Variants in DDX11 observed in about 807,000 individuals in gnomAD.
DDX11 encodes DEAD/H-box helicase 11, also known as ATP-dependent DNA helicase DDX11.
DDX11 carries 72 observed loss-of-function variants against 125.2 expected under a neutral mutation model. That is an observed-to-expected ratio of 0.58 (90% CI 0.48 to 0.70). DDX11 has a LOEUF of 0.70. Ranked by LOEUF, DDX11 falls within the 30% of genes least tolerant of loss-of-function variation. The pLI, the probability that DDX11 is intolerant of heterozygous loss-of-function variation, is 0.00. For synonymous variants in DDX11, 347 were observed against 452.6 expected (o/e 0.77, Z 2.96); for missense variants, 883 against 1,165.0 (o/e 0.76, Z 3.52).
intron 24 of DDX11, 97 bp downstream of exon 24, chr12:31,103,117 G>T (rs565153627): frequency 6.8e-7 from 1 of 1,472,096 alleles, no homozygotes; most frequent in Non-Finnish European, 9.4e-7. Context: ...CTTCCCCGCT[G>T]CGCTGGCGTC....
rs1945305287 is a variant in DDX11 at position 31,096,710 on chromosome 12, A to G, written c.1595A>G (p.Gln532Arg). Residue 532 changes from glutamine (Q) to arginine (R), a missense_variant, in exon 16 of 27, where the codon CAA (glutamine) becomes CGA (arginine). Around this residue, in one of 5 missense-constraint regions of DDX11, gnomAD observed 241 missense variants for 279.7 expected, o/e 0.86. Coordinates refer to ENST00000542838, the MANE Select transcript of DDX11 (RefSeq NM_030653.4). The part of the protein sequence containing the change: ...REQPKLAGFQ[Q>R]FLQSLQPRTT... ...CAGCCCAAACTGGCTGGGTTTCAGC[A>G]ATTCCTGCAGAGCCTGCAGCCCAGG... 1 of 1,613,996 alleles carries G rather than the reference A, an allele frequency of 6.2e-7. No homozygotes were observed. Among genetic ancestry groups the G allele is most frequent in the South Asian group, 1.1e-5 (1 of 91,080 alleles).
chr12:31,089,872 T>A lies in DDX11; in HGVS notation c.881-14T>A, dbSNP rs745617546. 4 of 1,610,090 alleles carry A rather than the reference T, an allele frequency of 2.5e-6. No homozygotes were observed. Among genetic ancestry groups the A allele is most frequent in the South Asian group, 2.2e-5 (2 of 90,462 alleles). Reference sequence around the variant, plus strand: ...CCTCTCTGTTTTCTCTCTTTGTGCCTGTGCCACCCTCAGAGAAGAAGAAAG... The same window carrying A: ...CCTCTCTGTTTTCTCTCTTTGTGCCAGTGCCACCCTCAGAGAAGAAGAAAG... On this transcript the variant is annotated splice_polypyrimidine_tract_variant and intron_variant, in intron 8 of 26. Coordinates refer to ENST00000542838, the MANE Select transcript of DDX11 (RefSeq NM_030653.4).
At chr12:31,099,248 C>T (rs1315559803) in intron 18 of DDX11, among the ~76,000 whole-genome samples, 1 of 151,720 alleles carries the variant, frequency 6.6e-6, no homozygotes, top group Non-Finnish European at 1.5e-5. Context: ...CCACCACACC[C>T]AGCTAATTTT....
intron 8 of DDX11, 174 bp from the exon 9 acceptor site, chr12:31,089,712 G>A (rs1943845152): frequency 1.5e-6 from 2 of 1,320,662 alleles, no homozygotes; most frequent in East Asian, 2.5e-5. Context: ...TCTTTCTGGA[G>A]AACAGAAGTA....
At position 31,093,195 on chromosome 12, in the gene DDX11, C is replaced by T. The variant is rs766038692; in HGVS notation, c.1290-50C>T. 26 of 1,555,834 alleles carry T rather than the reference C, an allele frequency of 1.7e-5. No homozygotes were observed. In the South Asian group the frequency reaches 1.7e-4, roughly 10 times the overall value. The stretch of plus-strand genomic sequence containing the variant: ...AAGGCTTCCACTGGGGTGGGCGGGG[C>T]GAGTCGCCATCAGGGCACCACCACT... On this transcript the variant is annotated intron_variant, in intron 11 of 26. Coordinates refer to ENST00000542838, the MANE Select transcript of DDX11 (RefSeq NM_030653.4).
At chr12:31,083,493 A>G (rs1942435344) in intron 2 of DDX11, among the ~76,000 whole-genome samples, 1 of 152,106 alleles carries the variant, frequency 6.6e-6, no homozygotes, top group South Asian at 2.1e-4. Flanking sequence ...CTTTTTGTCT[A>G]ATGTCTCCCC....
chr12:31,089,783 C>T, intron 8 of DDX11, 103 bp from the exon 9 acceptor site: 1 of 1,546,634 alleles, frequency 6.5e-7, no homozygotes, highest in Non-Finnish European at 8.7e-7. Context: ...CTTATAGACC[C>T]TACCCCATGG....
At chr12:31,091,460 T>G (rs1944207431) in intron 9 of DDX11, 2 of 493,996 alleles carry the variant, frequency 4.0e-6, no homozygotes, top group East Asian at 7.8e-5. Flanking sequence ...TGGACAAGGC[T>G]AAGCAGGGGT....
In DDX11 at chr12:31,096,809, T is replaced by C. The variant is rs754109777; in HGVS notation, c.1631-50T>C. 14 of 1,614,160 alleles carry C rather than the reference T, an allele frequency of 8.7e-6. No homozygotes were observed. The East Asian group carries it at 1.6e-4, about 18-fold the overall frequency. On this transcript the variant is annotated intron_variant, in intron 16 of 26. Transcript: ENST00000542838. ...CATGGGCAAGGACTTCTGTTCCTCATGTGTGGACCTGACCAGAGGGAGGCC... is the reference window on the plus strand; with the variant it reads ...CATGGGCAAGGACTTCTGTTCCTCACGTGTGGACCTGACCAGAGGGAGGCC...
chr12:31,102,376 G>C (rs1297594850), intron 22 of DDX11, 51 bp from the exon 23 acceptor site: 1 of 1,609,204 alleles, frequency 6.2e-7, no homozygotes, highest in Non-Finnish European at 8.5e-7. Context: ...AACGTTGTGG[G>C]TGTCATCCAA....
chr12:31,081,457 C>G (rs1592597059), intron 2 of DDX11, among the ~76,000 whole-genome samples: 1 of 152,208 alleles, frequency 6.6e-6, no homozygotes, highest in East Asian at 1.9e-4. Context: ...TTATACAGGT[C>G]TATCAAGTTG....
At chr12:31,101,529 C>T (rs918897093) in intron 20 of DDX11, 32 of 503,798 alleles carry the variant, frequency 6.4e-5, no homozygotes, top group African/African-American at 1.9e-4. Flanking sequence ...TTGTGGTGCC[C>T]ATCAGGACCC....
chr12:31,103,530 G>C lies in DDX11; in HGVS notation c.2537-47G>C, dbSNP rs12578532. The C allele has an allele frequency of 1.7e-4, 274 of 1,613,644 alleles. 1 individual carries two copies. Among genetic ancestry groups the C allele is most frequent in the South Asian group, 1.3e-3 (121 of 91,026 alleles). ...GGGTCGCCGTGGGAATGTGCTGTAG[G>C]GGGGAGGCAGGTGTTGCTCGGAGCC... On this transcript the variant is annotated intron_variant, in intron 25 of 26. Coordinates refer to ENST00000542838, the MANE Select transcript of DDX11 (RefSeq NM_030653.4).
rs1431273193 is a variant in DDX11 at position 31,084,674 on chromosome 12, G to A, written c.480+5G>A. 3 of 1,579,744 alleles carry A rather than the reference G, an allele frequency of 1.9e-6. No individual in the cohort carries two copies. The highest frequency in any genetic ancestry group is 2.3e-5 in the East Asian group (1 of 43,462). ...AAGTATGCAGCCAAGCGCCTGGTGAGCCTCATTTCTTGGGGGGCAGGATTA... is the reference window on the plus strand; with the variant it reads ...AAGTATGCAGCCAAGCGCCTGGTGAACCTCATTTCTTGGGGGGCAGGATTA... On this transcript the variant is annotated splice_donor_5th_base_variant and intron_variant, in intron 4 of 26. Transcript: ENST00000542838.
At chr12:31,090,589 A>G (rs891031536) in intron 9 of DDX11, among the ~76,000 whole-genome samples, 9 of 152,194 alleles carry the variant, frequency 5.9e-5, no homozygotes, top group Non-Finnish European at 1.3e-4. Flanking sequence ...CTCTGCCTCA[A>G]CTTCTCTTGA....
chr12:31,102,492 G>A lies in DDX11; in HGVS notation c.2337G>A (p.Met779Ile). ...TCCTCTCTGTGGTTGGAGGAAAGAT[G>A]AGTGAAGGGATCAACTTCTCTGACA... ...ALLLSVVGGK[M>I]SEGINFSDNL... Residue 779 changes from methionine to isoleucine, a missense_variant, in exon 23 of 27, where the codon ATG (methionine) becomes ATA (isoleucine). This residue lies in a region of DDX11 where 285 missense variants were observed against 346.0 expected (regional missense o/e 0.82). Coordinates refer to ENST00000542838, the MANE Select transcript of DDX11 (RefSeq NM_030653.4). 3.1e-6 allele frequency: 5 copies of A among 1,614,044 alleles called. No homozygotes were observed. The highest frequency in any genetic ancestry group is 4.2e-6 in the Non-Finnish European group (5 of 1,179,902).
chr12:31,092,711 T>C, intron 10 of DDX11, 135 bp from the exon 11 acceptor site: 1 of 897,118 alleles, frequency 1.1e-6, no homozygotes, highest in Non-Finnish European at 1.8e-6. Flanking sequence ...GTACCTTTTG[T>C]CTGCAGCCAG....
chr12:31,100,297 G>A (rs1210952130), intron 18 of DDX11: 4 of 245,874 alleles, frequency 1.6e-5, no homozygotes, highest in South Asian at 1.3e-4. Context: ...TCTAACAGGT[G>A]AAAGCCTGGA....
At chr12:31,084,501 C>A in intron 3 of DDX11, 82 bp from the exon 4 acceptor site, 1 of 1,270,270 alleles carries the variant, frequency 7.9e-7, no homozygotes, top group Middle Eastern at 1.9e-4. Context: ...GAGGAGGCGC[C>A]GGGCTGAGTG....
Sources: gnomAD v4.1 joint callset for allele counts (sites outside exome capture counted in the v4.1 genomes callset) on GRCh38, gnomAD v4.1.1 for gene constraint, gnomAD v4.1.1 regional missense constraint, MANE v1.5 for transcripts, NCBI Gene and HGNC (gene_info 2026-07-23, HGNC 2026-07-21) for gene names.